The following MYRIP variants were observed in gnomAD, a reference collection of about 807,000 sequenced individuals.
MYRIP encodes the protein myosin VIIA and Rab interacting protein.
In MYRIP, 49 loss-of-function variants were observed where a neutral mutation model predicts 98.0. That is an observed-to-expected ratio of 0.50 (90% CI 0.40 to 0.63). The LOEUF is 0.63. Among genes scored for constraint, MYRIP ranks in the 30% least tolerant of loss-of-function variants. MYRIP has a pLI of 0.00. For synonymous variants in MYRIP, 404 were observed against 409.5 expected (o/e 0.99, Z 0.16); for missense variants, 1,004 against 1,058.2 (o/e 0.95, Z 0.71).
chr3:40,212,217 TATATATATACACACACACACACACACAC>T (rs1951971843), intron 11 of MYRIP, among the ~76,000 whole-genome samples: 18 of 77,490 alleles, frequency 2.3e-4, no homozygotes, highest in African/African-American at 5.6e-4. Flanking sequence ...TGTGTGTATA[TATATATATACACACACACACACACACAC>T]ATATATATAT....
chr3:40,130,643 G>T (rs1369041982), intron 3 of MYRIP, among the ~76,000 whole-genome samples: 2 of 152,082 alleles, frequency 1.3e-5, no homozygotes, highest in Admixed American at 1.3e-4. Flanking sequence ...GCCTCCCAAA[G>T]TGCTGGGATT....
At chr3:39,927,564 A>G (rs1453628790) in intron 2 of MYRIP, among the ~76,000 whole-genome samples, 1 of 151,938 alleles carries the variant, frequency 6.6e-6, no homozygotes, top group Non-Finnish European at 1.5e-5. Flanking sequence ...AAACCTACCA[A>G]CCAAAAAAAT....
chr3:39,935,073 C>T (rs1207452213), intron 2 of MYRIP, among the ~76,000 whole-genome samples: 1 of 152,162 alleles, frequency 6.6e-6, no homozygotes, highest in Non-Finnish European at 1.5e-5. Flanking sequence ...GCTGATCTGC[C>T]CCTGGCATTC....
intron 2 of MYRIP, among the ~76,000 whole-genome samples, chr3:39,988,423 T>C (rs1946089229): frequency 6.6e-6 from 1 of 152,160 alleles, no homozygotes; most frequent in South Asian, 2.1e-4. Context: ...GGTGACCTGG[T>C]CTTTCTCTCT....
intron 8 of MYRIP, among the ~76,000 whole-genome samples, chr3:40,181,937 T>C (rs35373018): frequency 0.057 from 8,690 of 152,230 alleles, 352 homozygotes; most frequent in Non-Finnish European, 0.087. Context: ...CTGAGAAATA[T>C]TGGCCGCAAG....
At chr3:40,076,744 T>A (rs1230830722) in intron 3 of MYRIP, among the ~76,000 whole-genome samples, 2 of 152,054 alleles carry the variant, frequency 1.3e-5, no homozygotes, top group Non-Finnish European at 2.9e-5. Flanking sequence ...AAAATTCTGT[T>A]TCTAGAAAAA....
intron 2 of MYRIP, among the ~76,000 whole-genome samples, chr3:40,004,556 C>A (rs1297655294): frequency 6.6e-6 from 1 of 151,948 alleles, no homozygotes; most frequent in Non-Finnish European, 1.5e-5. Flanking sequence ...GTGGTGATTT[C>A]TGAGATTTTG....
chr3:39,915,912 C>G (rs1372132242), intron 2 of MYRIP, among the ~76,000 whole-genome samples: 1 of 151,902 alleles, frequency 6.6e-6, no homozygotes, highest in Non-Finnish European at 1.5e-5. Flanking sequence ...CACCCCTCCC[C>G]TAATTCTTAT....
intron 2 of MYRIP, among the ~76,000 whole-genome samples, chr3:39,907,551 G>T (rs1943908473): frequency 6.6e-6 from 1 of 152,192 alleles, no homozygotes; most frequent in African/African-American, 2.4e-5. Context: ...GATGGAGAGA[G>T]CCTGATCCCT....
chr3:40,210,114 T>C (rs1182520757), intron 11 of MYRIP, 21 bp downstream of exon 11: 1 of 1,610,820 alleles, frequency 6.2e-7, no homozygotes, highest in Non-Finnish European at 8.5e-7. Context: ...TGAAGCCACC[T>C]GCAGACAGCT....
intron 3 of MYRIP, among the ~76,000 whole-genome samples, chr3:40,118,020 CAAAA>C (rs1336871062): frequency 2.8e-5 from 1 of 35,262 alleles, no homozygotes; most frequent in Non-Finnish European, 7.8e-5. Context: ...CCTACAAATC[CAAAA>C]CAAAAAGCCC....
intron 4 of MYRIP, among the ~76,000 whole-genome samples, chr3:40,153,534 C>G (rs1950161648): frequency 6.6e-6 from 1 of 152,184 alleles, no homozygotes; most frequent in Non-Finnish European, 1.5e-5. Flanking sequence ...AAATCATTGT[C>G]CACCCCCCAT....
chr3:39,931,888 A>G (rs954846546), intron 2 of MYRIP, among the ~76,000 whole-genome samples: 17 of 152,058 alleles, frequency 1.1e-4, no homozygotes, highest in African/African-American at 4.1e-4. Flanking sequence ...TCATTTTTAT[A>G]TGTTGCTGTA....
At chr3:40,254,085 A>AATT (rs936141323) in intron 16 of MYRIP, among the ~76,000 whole-genome samples, 2 of 152,224 alleles carry the variant, frequency 1.3e-5, no homozygotes, top group African/African-American at 4.8e-5. Context: ...GAACTCTAGA[A>AATT]ATTATACAGA....
intron 3 of MYRIP, among the ~76,000 whole-genome samples, chr3:40,089,012 G>T (rs530676657): frequency 6.6e-6 from 1 of 152,010 alleles, no homozygotes; most frequent in Non-Finnish European, 1.5e-5. Context: ...GGAGGGAGGA[G>T]TCAGGAGTGA....
At chr3:39,821,789 A>G (rs150496329) in intron 1 of MYRIP, among the ~76,000 whole-genome samples, 1 of 152,150 alleles carries the variant, frequency 6.6e-6, no homozygotes, top group Non-Finnish European at 1.5e-5. Flanking sequence ...ACCAGAGAAT[A>G]TGGTCTACAT....
intron 1 of MYRIP, among the ~76,000 whole-genome samples, chr3:39,862,746 A>G (rs1942510422): frequency 6.6e-6 from 1 of 152,172 alleles, no homozygotes; most frequent in South Asian, 2.1e-4. Flanking sequence ...GAAAACTAAT[A>G]AAGATATTTG....
chr3:40,091,276 G>A lies in MYRIP; in HGVS notation c.332+47005G>A, dbSNP rs967714742. Among the ~76,000 whole-genome samples, 3 of 138,252 alleles carry A rather than the reference G, an allele frequency of 2.2e-5. 1 individual carries two copies. In the Admixed American group the frequency reaches 2.2e-4, roughly 10 times the overall value. The allele number at this position is 138,252 out of a possible 152,430, so 90.7% of individuals were successfully genotyped here. The stretch of plus-strand genomic sequence containing the variant: ...GTGAGACCCACATTTTGGGTTTCCT[G>A]GCCAGATGCTTCACCTTAGTAAAAC... On this transcript the variant is annotated intron_variant, in intron 3 of 16. Coordinates refer to ENST00000302541, the MANE Select transcript of MYRIP (RefSeq NM_015460.4).
At chr3:40,222,197 TC>T (rs1559462802) in intron 11 of MYRIP, among the ~76,000 whole-genome samples, 5 of 152,240 alleles carry the variant, frequency 3.3e-5, no homozygotes. Flanking sequence ...CAGAGGCACT[TC>T]TGCAGTCATA....
Sources: allele counts gnomAD v4.1 joint callset (sites outside exome capture counted in the v4.1 genomes callset), GRCh38; gene constraint gnomAD v4.1.1; transcripts MANE v1.5; gene names NCBI Gene and HGNC (gene_info 2026-07-23, HGNC 2026-07-21).